ADK: variants seen among roughly 807,000 people sequenced by gnomAD.
ADK encodes N6,N6-dimethyladenosine kinase.
A neutral mutation model predicts 44.7 loss-of-function variants in ADK; 24 were observed. That is an observed-to-expected ratio of 0.54 (90% CI 0.39 to 0.76). The LOEUF is 0.76. ADK is among the 30% of genes least tolerant of loss of function. ADK has a pLI of 0.00. For missense variants in ADK, 321 were observed against 425.1 expected, an observed-to-expected ratio of 0.76 and a Z score of 2.15; for synonymous variants, 128 against 142.6, an observed-to-expected ratio of 0.90 and a Z score of 0.73.
At chr10:74,678,938 C>T (rs546184439) in intron 10 of ADK, among the ~76,000 whole-genome samples, 1 of 152,312 alleles carries the variant, frequency 6.6e-6, no homozygotes, top group Admixed American at 6.5e-5. Flanking sequence ...TTAGCTTTTA[C>T]TGCATAACTA....
chr10:74,575,945 T>C (rs1851169198), intron 7 of ADK, among the ~76,000 whole-genome samples: 1 of 152,036 alleles, frequency 6.6e-6, no homozygotes, highest in African/African-American at 2.4e-5. Context: ...GTTTTAGGTA[T>C]TATAGGATTT....
intron 6 of ADK, among the ~76,000 whole-genome samples, chr10:74,472,766 A>G (rs1398832876): frequency 6.6e-6 from 1 of 152,210 alleles, no homozygotes; most frequent in Non-Finnish European, 1.5e-5. Context: ...GAAAAGGAAC[A>G]TTTCCATCAT....
intron 1 of ADK, among the ~76,000 whole-genome samples, chr10:74,152,231 A>G (rs1427718553): frequency 2.6e-5 from 4 of 152,156 alleles, no homozygotes; most frequent in Non-Finnish European, 5.9e-5. Context: ...ATCACTCACA[A>G]TTGAAAAGAA....
At chr10:74,260,232 A>G (rs1394521750) in intron 3 of ADK, among the ~76,000 whole-genome samples, 1 of 152,058 alleles carries the variant, frequency 6.6e-6, no homozygotes, top group African/African-American at 2.4e-5. Context: ...GGTTGTCTCA[A>G]CCTGTAGTAG....
rs1299925306 is a variant in ADK at position 74,639,831 on chromosome 10, G to GCTCTGTCT, written c.878-30351_878-30350insTCTGTCTC. Among the ~76,000 whole-genome samples, 186 of 152,248 alleles carry GCTCTGTCT rather than the reference G, an allele frequency of 1.2e-3. 3 individuals are homozygous for GCTCTGTCT. The East Asian group carries it at 0.026, about 21-fold the overall frequency. ...AGCCTGGGTGACAGAGCGAGCAAGA[G>GCTCTGTCT]CAGGCGAGCAAGCGAGACTCCATCT... On this transcript the variant is annotated intron_variant, in intron 9 of 10. Coordinates refer to ENST00000539909, the MANE Select transcript of ADK (RefSeq NM_006721.4).
chr10:74,159,534 T>G, intron 1 of ADK, among the ~76,000 whole-genome samples: 1 of 152,216 alleles, frequency 6.6e-6, no homozygotes, highest in East Asian at 1.9e-4. Context: ...TGGTTCATAC[T>G]TAGAACCATT....
At chr10:74,283,366 T>C (rs1475534625) in intron 3 of ADK, among the ~76,000 whole-genome samples, 1 of 151,804 alleles carries the variant, frequency 6.6e-6, no homozygotes, top group Non-Finnish European at 1.5e-5. Context: ...ACTCTCTATA[T>C]ACAGCCTGAG....
At chr10:74,354,306 C>T (rs1009041913) in intron 4 of ADK, among the ~76,000 whole-genome samples, 9 of 84,328 alleles carry the variant, frequency 1.1e-4, no homozygotes, top group African/African-American at 2.9e-4. Context: ...TTGACTCTCA[C>T]GGAAGTATTC....
Position 74,256,425 on chromosome 10 carries a change from A to T in ADK, c.194+31834A>T, listed in dbSNP as rs374100765. Among the ~76,000 whole-genome samples, 3 of 152,242 alleles carry T rather than the reference A, an allele frequency of 2.0e-5. No homozygotes were observed. In the East Asian group the frequency reaches 5.8e-4, roughly 29 times the overall value. On this transcript the variant is annotated intron_variant, in intron 3 of 10. Coordinates refer to ENST00000539909, the MANE Select transcript of ADK (RefSeq NM_006721.4). ...GGAACCTGGAATGCTCTTCGTCTTT[A>T]GTGAACATTATGTAACCTATCTTCA...
chr10:74,701,839 G>A (rs2134306945), intron 10 of ADK, among the ~76,000 whole-genome samples: 1 of 152,258 alleles, frequency 6.6e-6, no homozygotes, highest in Non-Finnish European at 1.5e-5. Flanking sequence ...TGCTACTTGG[G>A]AGACTGAGGC....
At chr10:74,510,537 C>T (rs1263777769) in intron 6 of ADK, among the ~76,000 whole-genome samples, 1 of 151,930 alleles carries the variant, frequency 6.6e-6, no homozygotes, top group Non-Finnish European at 1.5e-5. Flanking sequence ...TGATTGTTTC[C>T]TTTGCTGTGC....
chr10:74,432,404 A>G (rs73290214), intron 6 of ADK, among the ~76,000 whole-genome samples: 3,633 of 152,250 alleles, frequency 0.024, 129 homozygotes, highest in African/African-American at 0.071. Context: ...TCTCACATTG[A>G]TCATCCTTGT....
intron 6 of ADK, among the ~76,000 whole-genome samples, chr10:74,521,875 A>G (rs1032963286): frequency 6.6e-6 from 1 of 152,222 alleles, no homozygotes; most frequent in Non-Finnish European, 1.5e-5. Flanking sequence ...CTCTTAGAAC[A>G]CTTGAATATT....
intron 6 of ADK, among the ~76,000 whole-genome samples, chr10:74,465,984 G>A (rs1846340992): frequency 1.3e-5 from 2 of 151,988 alleles, no homozygotes. Context: ...TGGATTTTAA[G>A]GCATATTAGT....
At chr10:74,456,029 A>C (rs1474051902) in intron 6 of ADK, among the ~76,000 whole-genome samples, 1 of 152,132 alleles carries the variant, frequency 6.6e-6, no homozygotes, top group East Asian at 1.9e-4. Flanking sequence ...GAGCACCCAG[A>C]TTCATAAAGC....
chr10:74,495,256 G>C (rs1847640414), intron 6 of ADK, among the ~76,000 whole-genome samples: 1 of 151,710 alleles, frequency 6.6e-6, no homozygotes, highest in South Asian at 2.1e-4. Context: ...TTCCTGGGTT[G>C]ATCCTCTATT....
intron 9 of ADK, among the ~76,000 whole-genome samples, chr10:74,628,533 T>G (rs1407757405): frequency 1.3e-5 from 2 of 151,502 alleles, no homozygotes; most frequent in African/African-American, 4.8e-5. Flanking sequence ...TCACCTGGAT[T>G]AAGTTTTTTT....
chr10:74,175,274 C>T lies in ADK; in HGVS notation c.65+23931C>T, dbSNP rs367980437. On this transcript the variant is annotated intron_variant, in intron 1 of 10. Transcript: ENST00000539909. ...TGGCGCATGCCTGTAGTCCCAGCTACTCGGGAGCCTGAGGCACAAGAATCG... is the reference window on the plus strand; with the variant it reads ...TGGCGCATGCCTGTAGTCCCAGCTATTCGGGAGCCTGAGGCACAAGAATCG... Among the ~76,000 whole-genome samples the T allele has an allele frequency of 3.3e-4, 50 of 151,886 alleles. 1 individual carries two copies. In the Middle Eastern group the frequency reaches 0.01, roughly 31 times the overall value.
intron 6 of ADK, among the ~76,000 whole-genome samples, chr10:74,458,006 T>C (rs565976308): frequency 6.6e-6 from 1 of 151,886 alleles, no homozygotes; most frequent in East Asian, 1.9e-4. Flanking sequence ...TCCCAGAACT[T>C]AAAGTACAAT....
Sources: gnomAD v4.1 joint callset for allele counts (sites outside exome capture counted in the v4.1 genomes callset) on GRCh38, gnomAD v4.1.1 for gene constraint, MANE v1.5 for transcripts, NCBI Gene and HGNC (gene_info 2026-07-23, HGNC 2026-07-21) for gene names.